MYO1H: variants seen among roughly 807,000 people sequenced by gnomAD.
MYO1H encodes myosin IH, also known as unconventional myosin-Ih.
In MYO1H, 118 loss-of-function variants were observed where a neutral mutation model predicts 149.3. That is an observed-to-expected ratio of 0.79 (90% CI 0.68 to 0.92). The LOEUF is 0.92. Among genes scored for constraint, MYO1H ranks in the 40% least tolerant of loss-of-function variants. The probability of loss-of-function intolerance (pLI) is 0.00; values close to 1 mark genes in which losing one functional copy is unlikely to be tolerated. For synonymous variants in MYO1H, 447 were observed against 465.2 expected (o/e 0.96, Z 0.50); for missense variants, 1,212 against 1,280.7 (o/e 0.95, Z 0.82).
rs181308247 is a variant in MYO1H at position 109,401,067 on chromosome 12, G to A, written c.571-26G>A. 516 of 1,605,822 alleles carry A rather than the reference G, an allele frequency of 3.2e-4. 5 individuals are homozygous for A. The African/African-American group carries it at 6.2e-3, about 19-fold the overall frequency. On this transcript the variant is annotated intron_variant, in intron 5 of 31. Transcript: ENST00000310903. ...AGAGAGTGGTTTGATTGTTGTCACTGCTGCAATTTTTGTTCTGTTTTGAAG... is the reference window on the plus strand; with the variant it reads ...AGAGAGTGGTTTGATTGTTGTCACTACTGCAATTTTTGTTCTGTTTTGAAG...
the MYO1H span, among the ~76,000 whole-genome samples, chr12:109,312,194 AAGTTC>A: frequency 7.2e-6 from 1 of 139,472 alleles, no homozygotes; most frequent in African/African-American, 2.7e-5. Context: ...TTTGATCAAG[AAGTTC>A]AGTTTTTTTT....
intron 1 of MYO1H, among the ~76,000 whole-genome samples, chr12:109,383,744 G>C (rs1324446256): frequency 6.6e-6 from 1 of 152,210 alleles, no homozygotes; most frequent in Admixed American, 6.5e-5. Context: ...TAAATGTGGG[G>C]AAGTCCACGG....
At chr12:109,395,461 C>T (rs943263699) in intron 3 of MYO1H, among the ~76,000 whole-genome samples, 8 of 152,014 alleles carry the variant, frequency 5.3e-5, no homozygotes, top group African/African-American at 1.7e-4. Flanking sequence ...TCAGGCCAGG[C>T]GCGGTGGCTC....
At chr12:109,406,326 C>T (rs777201902) in intron 8 of MYO1H, among the ~76,000 whole-genome samples, 5 of 151,958 alleles carry the variant, frequency 3.3e-5, no homozygotes, top group African/African-American at 9.6e-5. Flanking sequence ...GTAGGCCGGG[C>T]GCAATGGCTC....
the MYO1H span, among the ~76,000 whole-genome samples, chr12:109,311,331 A>C: frequency 6.6e-6 from 1 of 152,208 alleles, no homozygotes; most frequent in Non-Finnish European, 1.5e-5. Flanking sequence ...CCATTTAATT[A>C]AAAAATTGAG....
intron 1 of MYO1H, among the ~76,000 whole-genome samples, chr12:109,349,270 A>G (rs141878011): frequency 8.1e-4 from 123 of 152,316 alleles, no homozygotes; most frequent in African/African-American, 2.9e-3. Context: ...ACATAGTTAC[A>G]CTTTTTTGAA....
At chr12:109,438,086 TAAAAAA>T (rs58487735) in intron 22 of MYO1H, among the ~76,000 whole-genome samples, 11 of 96,918 alleles carry the variant, frequency 1.1e-4, no homozygotes, top group Non-Finnish European at 1.8e-4. Context: ...AGGCTCTGTC[TAAAAAA>T]AAAAAAAAAA....
At chr12:109,360,088 G>A (rs1868710264) in intron 1 of MYO1H, among the ~76,000 whole-genome samples, 1 of 151,804 alleles carries the variant, frequency 6.6e-6, no homozygotes, top group African/African-American at 2.4e-5. Context: ...CTTTGTCTTG[G>A]CTACCCTTCT....
chr12:109,395,594 C>T (rs898770303), intron 3 of MYO1H, among the ~76,000 whole-genome samples: 13 of 139,036 alleles, frequency 9.4e-5, no homozygotes, highest in African/African-American at 3.2e-4. Context: ...ATTAGCCAGG[C>T]GTGGTAGTGC....
chr12:109,424,814 A>G (rs1037961258), exon 17 of MYO1H: 2 of 1,613,742 alleles, frequency 1.2e-6, no homozygotes, highest in African/African-American at 2.7e-5. Flanking sequence ...AGAAAACCGG[A>G]GGAGGCCCCC....
At chr12:109,412,651 G>C (rs1344054215) in intron 14 of MYO1H, among the ~76,000 whole-genome samples, 1 of 152,080 alleles carries the variant, frequency 6.6e-6, no homozygotes, top group Non-Finnish European at 1.5e-5. Context: ...ATGCGGATCA[G>C]ATATAGAGTA....
chr12:109,337,278 T>C, the MYO1H span, among the ~76,000 whole-genome samples: 1 of 152,152 alleles, frequency 6.6e-6, no homozygotes, highest in Non-Finnish European at 1.5e-5. Flanking sequence ...ATTCTTATAA[T>C]TCAAATATGA....
chr12:109,347,082 A>AC (rs200608340), upstream of MYO1H, among the ~76,000 whole-genome samples: 984 of 152,264 alleles, frequency 6.5e-3, 11 homozygotes, highest in African/African-American at 0.021. Flanking sequence ...CAGTCGCTGG[A>AC]CCCACAGTCC....
In MYO1H at chr12:109,410,783, TG is replaced by T; in HGVS notation, c.1410+16del. On this transcript the variant is annotated intron_variant, in intron 13 of 31. Coordinates refer to ENST00000310903, the Ensembl canonical transcript of MYO1H. Reference sequence around the variant, plus strand: ...TATCTATTCTGGTGAGAAAAATGAATGTTGCATTAGAGCTATTCACCCGGCA... The same window carrying T: ...TATCTATTCTGGTGAGAAAAATGAATTTGCATTAGAGCTATTCACCCGGCA... The T allele has an allele frequency of 6.7e-7, 1 of 1,487,428 alleles. No homozygotes were observed. The highest frequency in any genetic ancestry group is 9.3e-7 in the Non-Finnish European group (1 of 1,074,722). The allele number at this position is 1,487,428 out of a possible 1,614,324, so 92.1% of individuals were successfully genotyped here.
At chr12:109,343,097 GA>G (rs367914953), upstream of MYO1H, among the ~76,000 whole-genome samples, 944 of 151,478 alleles carry the variant, frequency 6.2e-3, 10 homozygotes, top group African/African-American at 0.021. Flanking sequence ...CTCTGAAAAA[GA>G]AAAAAAATTG....
exon 28 of MYO1H, chr12:109,443,525 G>A (rs761521543): frequency 7.6e-5 from 123 of 1,613,500 alleles, no homozygotes; most frequent in South Asian, 5.5e-4. Flanking sequence ...ATGGTGTCCC[G>A]GTCATTAAAT....
chr12:109,388,901 C>T (rs1869512891), intron 2 of MYO1H, 57 bp downstream of exon 2: 1 of 1,541,990 alleles, frequency 6.5e-7, no homozygotes, highest in Non-Finnish European at 8.8e-7. Context: ...TTCTTGCCTT[C>T]ACGACTTTGA....
chr12:109,412,480 A>G (rs1451383335), intron 14 of MYO1H, among the ~76,000 whole-genome samples: 1 of 152,164 alleles, frequency 6.6e-6, no homozygotes, highest in East Asian at 1.9e-4. Context: ...TTTTAAAAAG[A>G]TTTTATATCT....
the MYO1H span, among the ~76,000 whole-genome samples, chr12:109,316,143 C>CT: frequency 5.9e-5 from 2 of 33,972 alleles, no homozygotes; most frequent in African/African-American, 1.2e-4. Context: ...CAAGCCACCT[C>CT]TTTTTTATGT....
Sources: gnomAD v4.1 joint callset for allele counts (sites outside exome capture counted in the v4.1 genomes callset) on GRCh38, gnomAD v4.1.1 for gene constraint, MANE v1.5 for transcripts, NCBI Gene and HGNC (gene_info 2026-07-23, HGNC 2026-07-21) for gene names.